The following STXBP5L variants were observed in gnomAD, a reference collection of about 807,000 sequenced individuals.
The protein encoded by STXBP5L is syntaxin binding protein 5L.
In STXBP5L, 65 loss-of-function variants were observed where a neutral mutation model predicts 144.5. The observed-to-expected ratio is 0.45, with a 90% CI of 0.37 to 0.55. STXBP5L has a LOEUF of 0.55. Ranked by LOEUF, STXBP5L falls within the 20% of genes least tolerant of loss-of-function variation. The pLI is 0.00. For synonymous variants in STXBP5L, 505 were observed against 469.6 expected, an observed-to-expected ratio of 1.08 and a Z score of -0.97; for missense variants, 1,298 against 1,405.5, an observed-to-expected ratio of 0.92 and a Z score of 1.22.
intron 22 of STXBP5L, among the ~76,000 whole-genome samples, chr3:121,384,954 C>A (rs1485415024): frequency 9.2e-5 from 14 of 151,930 alleles, no homozygotes; most frequent in Admixed American, 7.9e-4. Context: ...ATGCTGCCAA[C>A]TATAAATTAT....
chr3:121,377,812 A>T (rs1157723671), intron 20 of STXBP5L, among the ~76,000 whole-genome samples: 1 of 152,194 alleles, frequency 6.6e-6, no homozygotes, highest in Admixed American at 6.5e-5. Flanking sequence ...CAGCAATCCC[A>T]TTATGGGGTA....
At chr3:120,954,806 GT>G in intron 2 of STXBP5L, 133 bp from the exon 3 acceptor site, 1 of 584,196 alleles carries the variant, frequency 1.7e-6, no homozygotes, top group Non-Finnish European at 2.9e-6. Context: ...CTCCATCTCT[GT>G]GTTAATGTTT....
intron 3 of STXBP5L, among the ~76,000 whole-genome samples, chr3:120,984,743 A>G (rs977339833): frequency 7.3e-5 from 11 of 150,238 alleles, no homozygotes; most frequent in African/African-American, 2.5e-4. Context: ...GTTGATTTTA[A>G]AAGAAGAGTT....
At position 121,198,111 on chromosome 3, in the gene STXBP5L, A is replaced by G. The variant is rs2047993735; in HGVS notation, c.878-7812A>G. On this transcript the variant is annotated intron_variant, in intron 9 of 26. Coordinates refer to ENST00000471454, the MANE Select transcript of STXBP5L (RefSeq NM_001308330.2). ...GATTGAAGTAATTTACACTGCCACC[A>G]ACAGTGTAAAAGCATTTCTATTTAT... Among the ~76,000 whole-genome samples the G allele has an allele frequency of 1.3e-5, 2 of 151,690 alleles. 1 individual carries two copies. Among genetic ancestry groups the G allele is most frequent in the South Asian group, 4.2e-4 (2 of 4,810 alleles).
At chr3:121,391,183 A>G (rs766807730) in intron 22 of STXBP5L, among the ~76,000 whole-genome samples, 1 of 152,054 alleles carries the variant, frequency 6.6e-6, no homozygotes, top group African/African-American at 2.4e-5. Flanking sequence ...TGAATCTACT[A>G]TTGAAGCTTG....
At chr3:121,114,862 G>A in intron 5 of STXBP5L, 63 bp from the exon 6 acceptor site, 1 of 1,198,310 alleles carries the variant, frequency 8.3e-7, no homozygotes, top group South Asian at 1.8e-5. Flanking sequence ...TACATGTAAG[G>A]AAAATATAAT....
chr3:121,165,003 A>T (rs1402655164), intron 9 of STXBP5L, among the ~76,000 whole-genome samples: 3 of 152,136 alleles, frequency 2.0e-5, no homozygotes, highest in African/African-American at 7.2e-5. Context: ...TGTATTTGAG[A>T]TTTCTGCTAA....
At chr3:121,012,825 CCCTTATCCA>C (rs149363572) in intron 3 of STXBP5L, among the ~76,000 whole-genome samples, 4,014 of 151,846 alleles carry the variant, frequency 0.026, 70 homozygotes, top group Non-Finnish European at 0.044. Flanking sequence ...AGTTTTTCAA[CCCTTATCCA>C]CCTTCCATCT....
In STXBP5L at chr3:120,939,654, C is replaced by T. The variant is rs77854403; in HGVS notation, c.190-15286C>T. Among the ~76,000 whole-genome samples the T allele has an allele frequency of 1.2e-4, 18 of 152,276 alleles. No homozygotes were observed. In the East Asian group the frequency reaches 3.5e-3, roughly 29 times the overall value. On this transcript the variant is annotated intron_variant, in intron 2 of 26. Transcript: ENST00000471454. ...CAGCAAATCGTCTTTAGTAGTTTAACACCATAATTAGTTAGATAACTAATC... is the reference window on the plus strand; with the variant it reads ...CAGCAAATCGTCTTTAGTAGTTTAATACCATAATTAGTTAGATAACTAATC...
At chr3:120,967,099 C>T (rs1216730720) in intron 3 of STXBP5L, among the ~76,000 whole-genome samples, 1 of 152,082 alleles carries the variant, frequency 6.6e-6, no homozygotes, top group Non-Finnish European at 1.5e-5. Context: ...GTGGGACCCA[C>T]TGAGCCAGGC....
At chr3:121,125,341 A>G (rs1477062849) in intron 7 of STXBP5L, among the ~76,000 whole-genome samples, 1 of 152,036 alleles carries the variant, frequency 6.6e-6, no homozygotes, top group Non-Finnish European at 1.5e-5. Flanking sequence ...GTGTGGTGGC[A>G]TGCGCCTGTA....
At chr3:121,331,320 G>A (rs995086038) in intron 20 of STXBP5L, among the ~76,000 whole-genome samples, 6 of 152,148 alleles carry the variant, frequency 3.9e-5, no homozygotes, top group South Asian at 4.1e-4. Flanking sequence ...CCCCTTGCTC[G>A]CCACTGCAGA....
intron 3 of STXBP5L, among the ~76,000 whole-genome samples, chr3:121,016,172 A>G (rs1447084971): frequency 6.6e-6 from 1 of 152,222 alleles, no homozygotes; most frequent in Non-Finnish European, 1.5e-5. Flanking sequence ...TAATCAATAC[A>G]AACGTGTGGT....
intron 20 of STXBP5L, among the ~76,000 whole-genome samples, chr3:121,368,087 CT>C (rs572323181): frequency 1.3e-5 from 2 of 151,496 alleles, no homozygotes; most frequent in African/African-American, 4.9e-5. Context: ...GTCTCTCTTC[CT>C]TTTTTTTCTG....
intron 7 of STXBP5L, among the ~76,000 whole-genome samples, chr3:121,143,633 G>A (rs1170963205): frequency 6.6e-6 from 1 of 151,812 alleles, no homozygotes; most frequent in African/African-American, 2.4e-5. Context: ...ACAGAATAGA[G>A]AGCCCAGAAA....
At chr3:121,092,715 A>T (rs570856272) in intron 5 of STXBP5L, among the ~76,000 whole-genome samples, 1 of 152,224 alleles carries the variant, frequency 6.6e-6, no homozygotes, top group Non-Finnish European at 1.5e-5. Flanking sequence ...TGTCATCTGC[A>T]AACAGGGACA....
intron 3 of STXBP5L, among the ~76,000 whole-genome samples, chr3:121,026,325 A>C (rs1055660918): frequency 2.6e-5 from 4 of 151,954 alleles, no homozygotes; most frequent in African/African-American, 9.7e-5. Context: ...TTCATGCCTG[A>C]GCTTTAAAGT....
intron 3 of STXBP5L, among the ~76,000 whole-genome samples, chr3:120,975,771 C>T (rs1195067866): frequency 1.3e-5 from 2 of 152,078 alleles, no homozygotes; most frequent in Non-Finnish European, 2.9e-5. Context: ...TGAATTTTGT[C>T]AAAGGCCTTT....
At chr3:121,333,135 A>G (rs1486582643) in intron 20 of STXBP5L, among the ~76,000 whole-genome samples, 1 of 152,198 alleles carries the variant, frequency 6.6e-6, no homozygotes, top group Non-Finnish European at 1.5e-5. Context: ...AAACTCTTGA[A>G]AGGCTTAAAC....
Sources: gnomAD v4.1 joint callset for allele counts (sites outside exome capture counted in the v4.1 genomes callset) on GRCh38, gnomAD v4.1.1 for gene constraint, MANE v1.5 for transcripts, NCBI Gene and HGNC (gene_info 2026-07-23, HGNC 2026-07-21) for gene names.